LMOD1: variants seen among roughly 807,000 people sequenced by gnomAD.
The protein encoded by LMOD1 is leiomodin-1.
LMOD1 carries 8 observed loss-of-function variants against 36.5 expected under a neutral mutation model. The observed-to-expected ratio is 0.22, with a 90% CI of 0.13 to 0.40. The LOEUF (loss-of-function observed/expected upper bound fraction) is 0.40. Among genes scored for constraint, LMOD1 ranks in the 10% least tolerant of loss-of-function variants. The pLI, the probability that LMOD1 is intolerant of heterozygous loss-of-function variation, is 1.00. For synonymous variants in LMOD1, 284 were observed against 288.7 expected, an observed-to-expected ratio of 0.98 and a Z score of 0.17; for missense variants, 630 against 751.1, an observed-to-expected ratio of 0.84 and a Z score of 1.88.
chr1:201,900,610 A>T lies in LMOD1; in HGVS notation c.403T>A (p.Ser135Thr). 1.2e-6 allele frequency: 2 copies of T among 1,613,624 alleles called. No individual in the cohort carries two copies. Among genetic ancestry groups the T allele is most frequent in the Non-Finnish European group, 8.5e-7 (1 of 1,179,852 alleles). ...CCACCAGCTTCATCTCTGTCTCTAGAGAAGCTTTTCTTTAAACCACCCCTC... is the reference window on the plus strand; with the variant it reads ...CCACCAGCTTCATCTCTGTCTCTAGTGAAGCTTTTCTTTAAACCACCCCTC... ...PKRGGLKKSF[S>T]RDRDEAGGKS... Residue 135 changes from serine to threonine, a missense_variant, in exon 2 of 3, where the codon TCT becomes ACT. Physicochemically the swap from Ser to Thr is moderately conservative, Grantham distance 58. Coordinates refer to ENST00000367288, the MANE Select transcript of LMOD1 (RefSeq NM_012134.3).
chr1:201,909,177 C>A (rs903521345), intron 1 of LMOD1, among the ~76,000 whole-genome samples: 2 of 152,192 alleles, frequency 1.3e-5, no homozygotes, highest in Non-Finnish European at 2.9e-5. Flanking sequence ...CCATTCCCAC[C>A]CTGCCTGACC....
At chr1:201,917,223 G>A (rs556340672) in intron 1 of LMOD1, among the ~76,000 whole-genome samples, 2 of 152,304 alleles carry the variant, frequency 1.3e-5, no homozygotes, top group African/African-American at 4.8e-5. Context: ...GAAAGGGATG[G>A]TAAATGGGGG....
chr1:201,912,171 A>G (rs557695904), intron 1 of LMOD1, among the ~76,000 whole-genome samples: 11 of 152,304 alleles, frequency 7.2e-5, no homozygotes, highest in Non-Finnish European at 1.2e-4. Flanking sequence ...TGGTAAATGG[A>G]TGGAGCAGAG....
intron 1 of LMOD1, among the ~76,000 whole-genome samples, 198 bp downstream of exon 1, chr1:201,945,882 C>T (rs1053049282): frequency 2.0e-5 from 3 of 152,144 alleles, no homozygotes; most frequent in African/African-American, 4.8e-5. Flanking sequence ...CCAACATATC[C>T]GACTTCTGCT....
chr1:201,905,096 C>T lies in LMOD1; in HGVS notation c.262-4345G>A, dbSNP rs186968433. The stretch of plus-strand genomic sequence containing the variant: ...CTTCCATGCAGTAAAGGTCCACAGG[C>T]CTCTTGATGAGAAAACTAGGTAGCA... On this transcript the variant is annotated intron_variant, in intron 1 of 2. Transcript: ENST00000367288. Among the ~76,000 whole-genome samples the T allele has an allele frequency of 1.9e-3, 285 of 152,320 alleles. 2 individuals are homozygous for T. The highest frequency in any genetic ancestry group is 6.6e-3 in the African/African-American group (274 of 41,558).
At chr1:201,911,296 G>A (rs1681493272) in intron 1 of LMOD1, among the ~76,000 whole-genome samples, 1 of 152,190 alleles carries the variant, frequency 6.6e-6, no homozygotes, top group South Asian at 2.1e-4. Flanking sequence ...ACCATCTAGA[G>A]GAAAAGGTCC....
chr1:201,946,441 G>A lies in LMOD1; in HGVS notation c.-101C>T. The A allele has an allele frequency of 8.0e-7, 1 of 1,249,448 alleles. No homozygotes were observed. Among genetic ancestry groups the A allele is most frequent in the South Asian group, 1.4e-5 (1 of 70,818 alleles). The allele number at this position is 1,249,448 out of a possible 1,614,324, so 77.4% of individuals were successfully genotyped here. On this transcript the variant is annotated 5_prime_UTR_variant, in exon 1 of 3. Coordinates refer to ENST00000367288, the MANE Select transcript of LMOD1 (RefSeq NM_012134.3). ...CTGGATGCAGCGAGTGGGCTGAGGA[G>A]CAAACCTCCTGCTGGTCGAGGACTG...
Position 201,901,511 on chromosome 1 carries a change from AATAT to A in LMOD1, c.262-764_262-761del, listed in dbSNP as rs1553295627. Among the ~76,000 whole-genome samples, 251 of 75,182 alleles carry A rather than the reference AATAT, an allele frequency of 3.3e-3. 10 individuals carry two copies. The highest frequency in any genetic ancestry group is 0.017 in the African/African-American group (239 of 13,692). The allele number at this position is 75,182 out of a possible 152,430, so 49.3% of individuals were successfully genotyped here. On this transcript the variant is annotated intron_variant, in intron 1 of 2. Coordinates refer to ENST00000367288, the MANE Select transcript of LMOD1 (RefSeq NM_012134.3). ...GAGCGAAACTCTGTCTCAAAAAAAA[AATAT>A]ATATATATATATATGTATATATATA...
chr1:201,926,100 C>T lies in LMOD1; in HGVS notation c.261+19980G>A, dbSNP rs528168251. Among the ~76,000 whole-genome samples the T allele has an allele frequency of 3.9e-5, 6 of 152,268 alleles. No homozygotes were observed. The South Asian group carries it at 6.2e-4, about 16-fold the overall frequency. On this transcript the variant is annotated intron_variant, in intron 1 of 2. Coordinates refer to ENST00000367288, the MANE Select transcript of LMOD1 (RefSeq NM_012134.3). The stretch of plus-strand genomic sequence containing the variant: ...TGCTCTATCTATACTGCATACAAAC[C>T]GACACATTTCCCCACAGGGAGTCAA...
At chr1:201,901,369 G>T (rs554622504) in intron 1 of LMOD1, among the ~76,000 whole-genome samples, 8 of 150,684 alleles carry the variant, frequency 5.3e-5, no homozygotes, top group Admixed American at 2.6e-4. Context: ...AGGCATGGTG[G>T]TGCATGCCTG....
chr1:201,907,916 G>A (rs1382512860), intron 1 of LMOD1, among the ~76,000 whole-genome samples: 2 of 152,184 alleles, frequency 1.3e-5, no homozygotes, highest in Non-Finnish European at 2.9e-5. Context: ...CAACTTAGGG[G>A]ACGTGGCCGA....
In LMOD1 at chr1:201,901,686, A is replaced by G. The variant is rs372950959; in HGVS notation, c.262-935T>C. On this transcript the variant is annotated intron_variant, in intron 1 of 2. Transcript: ENST00000367288. ...TATATATATATATACACATATATAT[A>G]TGTGTATATATATATATATGTGAAA... 9.7e-4 allele frequency among the ~76,000 whole-genome samples: 73 copies of G among 75,338 alleles called. 4 individuals are homozygous for G. Among genetic ancestry groups the G allele is most frequent in the South Asian group, 4.8e-3 (11 of 2,292 alleles). The allele number at this position is 75,338 out of a possible 152,430, so 49.4% of individuals were successfully genotyped here. A position where few individuals can be genotyped will look rare whatever the true frequency, so the allele number is the denominator to read the frequency against.
chr1:201,912,329 A>T (rs550166466), intron 1 of LMOD1, among the ~76,000 whole-genome samples: 1 of 152,236 alleles, frequency 6.6e-6, no homozygotes, highest in East Asian at 1.9e-4. Flanking sequence ...CAATGTCAGC[A>T]TCAAGCATGG....
Position 201,934,719 on chromosome 1 carries a change from G to A in LMOD1, c.261+11361C>T, listed in dbSNP as rs373250419. Among the ~76,000 whole-genome samples the A allele has an allele frequency of 6.6e-5, 10 of 152,212 alleles. No individual in the cohort carries two copies. The South Asian group carries it at 2.1e-3, about 32-fold the overall frequency. ...CCACAGTGAAATCATTCTTGCCAAGGTTCCAATGGCTTCCATCTTACCAAT... is the reference window on the plus strand; with the variant it reads ...CCACAGTGAAATCATTCTTGCCAAGATTCCAATGGCTTCCATCTTACCAAT... On this transcript the variant is annotated intron_variant, in intron 1 of 2. Coordinates refer to ENST00000367288, the MANE Select transcript of LMOD1 (RefSeq NM_012134.3).
rs267598303 is a variant in LMOD1 at position 201,900,643 on chromosome 1, C to T, written c.370G>A (p.Glu124Lys). 2 of 1,613,928 alleles carry T rather than the reference C, an allele frequency of 1.2e-6. No individual in the cohort carries two copies. Among genetic ancestry groups the T allele is most frequent in the East Asian group, 4.5e-5 (2 of 44,874 alleles). The change falls in exon 2 of 3, where the codon GAG becomes AAG. Residue 124 changes from glutamate (E) to lysine (K), a missense_variant. Glu to Lys is a moderately conservative substitution (Grantham distance 56). Around this residue, in one of 3 missense-constraint regions of LMOD1, gnomAD observed 405 missense variants for 400.6 expected, o/e 1.01. Transcript: ENST00000367288. ...TTCTTTAAACCACCCCTCTTTGGCT[C>T]CTTCCCCAGATCTGAGTCCCGTCTG... The part of the protein sequence containing the change: ...GPRRDSDLGK[E>K]PKRGGLKKSF...
intron 1 of LMOD1, 63 bp downstream of exon 1, chr1:201,946,017 T>C (rs1682205046): frequency 6.5e-7 from 1 of 1,527,694 alleles, no homozygotes; most frequent in Non-Finnish European, 8.9e-7. Context: ...ATCCTAATCA[T>C]GAAGCCAGGG....
At chr1:201,945,338 C>T (rs1682185501) in intron 1 of LMOD1, among the ~76,000 whole-genome samples, 1 of 152,188 alleles carries the variant, frequency 6.6e-6, no homozygotes, top group African/African-American at 2.4e-5. Flanking sequence ...TATCTTCAAC[C>T]CCCAGCAAAG....
intron 1 of LMOD1, among the ~76,000 whole-genome samples, chr1:201,909,300 G>A (rs992365331): frequency 2.6e-5 from 4 of 152,232 alleles, no homozygotes; most frequent in East Asian, 1.9e-4. Context: ...TGCAGATGAT[G>A]GGGTCTCAGG....
Position 201,933,595 on chromosome 1 carries a change from T to TTATATATATATATATATATA in LMOD1, c.261+12465_261+12484dup, listed in dbSNP as rs71141426. ...TTATATATGTACACATATACATACA[T>TTATATATATATATATATATA]TATATATATATATATATATATATAT... is the stretch of plus-strand genomic sequence containing the variant. On this transcript the variant is annotated intron_variant, in intron 1 of 2. Coordinates refer to ENST00000367288, the MANE Select transcript of LMOD1 (RefSeq NM_012134.3). 5.0e-3 allele frequency among the ~76,000 whole-genome samples: 314 copies of TTATATATATATATATATATA among 62,944 alleles called. 7 individuals are homozygous for TTATATATATATATATATATA. The highest frequency in any genetic ancestry group is 0.018 in the East Asian group (27 of 1,468). 41.3% of individuals were successfully genotyped at this position (62,944 alleles called of 152,430 possible).
Sources: gnomAD v4.1 joint callset for allele counts (sites outside exome capture counted in the v4.1 genomes callset) on GRCh38, gnomAD v4.1.1 for gene constraint, gnomAD v4.1.1 regional missense constraint, MANE v1.5 for transcripts, NCBI Gene and HGNC (gene_info 2026-07-23, HGNC 2026-07-21) for gene names.